Variants in PLPPR1 observed in about 807,000 individuals in gnomAD.
PLPPR1 encodes phospholipid phosphatase related 1, also known as phospholipid phosphatase-related protein type 1.
PLPPR1 carries 10 observed loss-of-function variants against 33.1 expected under a neutral mutation model. The observed-to-expected ratio is 0.30, with a 90% CI of 0.19 to 0.51. PLPPR1 has a LOEUF of 0.51. Among genes scored for constraint, PLPPR1 ranks in the 20% least tolerant of loss-of-function variants. PLPPR1 has a pLI of 0.97. For missense variants in PLPPR1, 304 were observed against 408.1 expected, an observed-to-expected ratio of 0.74 and a Z score of 2.20; for synonymous variants, 151 against 151.0, an observed-to-expected ratio of 1.00 and a Z score of 0.00.
chr9:101,242,390 T>C (rs1827492688), intron 2 of PLPPR1, among the ~76,000 whole-genome samples: 1 of 151,984 alleles, frequency 6.6e-6, no homozygotes, highest in African/African-American at 2.4e-5. Context: ...TTCTTTGCTG[T>C]CAACTTTGAT....
chr9:101,138,841 C>T (rs1418255624), intron 1 of PLPPR1, among the ~76,000 whole-genome samples: 4 of 152,134 alleles, frequency 2.6e-5, no homozygotes, highest in African/African-American at 4.8e-5. Context: ...AGGATTTGAA[C>T]CTGTGTATTT....
At chr9:101,254,707 T>TATA (rs36097016) in intron 2 of PLPPR1, among the ~76,000 whole-genome samples, 8,930 of 152,262 alleles carry the variant, frequency 0.059, 381 homozygotes, top group South Asian at 0.22. Flanking sequence ...GTATTAGACA[T>TATA]ATAAGAGCCA....
chr9:101,249,016 T>C (rs1056518489), intron 2 of PLPPR1, among the ~76,000 whole-genome samples: 4 of 152,122 alleles, frequency 2.6e-5, no homozygotes, highest in Non-Finnish European at 4.4e-5. Context: ...AAATCTTTGC[T>C]GCATTCAATG....
chr9:101,129,602 C>T (rs775344803), intron 1 of PLPPR1, among the ~76,000 whole-genome samples: 8 of 152,078 alleles, frequency 5.3e-5, no homozygotes, highest in Admixed American at 2.0e-4. Flanking sequence ...GAGGCCGAGG[C>T]GGGTGGATCA....
chr9:101,041,134 G>A (rs1226171386), intron 1 of PLPPR1, among the ~76,000 whole-genome samples: 1 of 152,154 alleles, frequency 6.6e-6, no homozygotes, highest in Non-Finnish European at 1.5e-5. Context: ...CTCAACCTGG[G>A]TTTCGAGTAC....
At chr9:101,275,760 C>T (rs1368297436) in intron 3 of PLPPR1, among the ~76,000 whole-genome samples, 2 of 152,120 alleles carry the variant, frequency 1.3e-5, no homozygotes, top group Non-Finnish European at 2.9e-5. Flanking sequence ...TTTTTCTTGG[C>T]TTCACAATGA....
At chr9:101,143,084 C>T (rs915724883) in intron 1 of PLPPR1, among the ~76,000 whole-genome samples, 6 of 151,950 alleles carry the variant, frequency 3.9e-5, no homozygotes, top group African/African-American at 9.7e-5. Flanking sequence ...TTCATTTCCT[C>T]GTCATCTCTT....
chr9:101,288,253 G>A (rs1425929725), intron 4 of PLPPR1, among the ~76,000 whole-genome samples: 1 of 152,144 alleles, frequency 6.6e-6, no homozygotes, highest in Non-Finnish European at 1.5e-5. Context: ...ACACCACATT[G>A]GAGAGAGGCA....
intron 1 of PLPPR1, among the ~76,000 whole-genome samples, chr9:101,164,582 G>A (rs1825826911): frequency 6.6e-6 from 1 of 151,922 alleles, no homozygotes; most frequent in Non-Finnish European, 1.5e-5. Context: ...TGGCTAGACT[G>A]GTCTCGAACT....
At chr9:101,308,841 T>TC (rs1192540582) in intron 4 of PLPPR1, among the ~76,000 whole-genome samples, 1 of 152,158 alleles carries the variant, frequency 6.6e-6, no homozygotes, top group Non-Finnish European at 1.5e-5. Flanking sequence ...TATTCTCTTT[T>TC]CCCCAAACTA....
rs1827131943 is a variant in PLPPR1 at position 101,229,126 on chromosome 9, G to T, written c.64-40754G>T. Among the ~76,000 whole-genome samples, 3 of 152,122 alleles carry T rather than the reference G, an allele frequency of 2.0e-5. No homozygotes were observed. The South Asian group carries it at 6.2e-4, about 32-fold the overall frequency. On this transcript the variant is annotated intron_variant, in intron 2 of 7. Transcript: ENST00000374874. ...TTTGTCTTGCTTGTTATCAGATCAA[G>T]GGTTTGATGTTGGATCAGAGCCACA... is the stretch of plus-strand genomic sequence containing the variant.
chr9:101,295,685 AAAAC>A (rs1828614824), intron 4 of PLPPR1, among the ~76,000 whole-genome samples: 1 of 151,896 alleles, frequency 6.6e-6, no homozygotes, highest in African/African-American at 2.4e-5. Context: ...AAACCTGAGA[AAAAC>A]AAGCAATGGG....
chr9:101,194,150 T>G (rs867237768), intron 2 of PLPPR1, among the ~76,000 whole-genome samples: 11 of 152,194 alleles, frequency 7.2e-5, no homozygotes, highest in Non-Finnish European at 1.2e-4. Context: ...TTAAGTAACA[T>G]TCTTTTAAAA....
chr9:101,145,540 C>G (rs1588046600), intron 1 of PLPPR1, among the ~76,000 whole-genome samples: 1 of 152,032 alleles, frequency 6.6e-6, no homozygotes, highest in Non-Finnish European at 1.5e-5. Flanking sequence ...TGCCACCACG[C>G]CCAGCTAATT....
intron 1 of PLPPR1, among the ~76,000 whole-genome samples, chr9:101,050,592 C>T (rs963049680): frequency 2.6e-5 from 4 of 152,030 alleles, no homozygotes; most frequent in Admixed American, 1.3e-4. Context: ...ATTGTAAGGA[C>T]GTGTTTGAGT....
At chr9:101,301,032 A>G (rs1828741165) in intron 4 of PLPPR1, among the ~76,000 whole-genome samples, 1 of 152,234 alleles carries the variant, frequency 6.6e-6, no homozygotes, top group Non-Finnish European at 1.5e-5. Flanking sequence ...GAGTAATTTT[A>G]TGCTTTGAGG....
chr9:101,152,048 C>T (rs1344533778), intron 1 of PLPPR1, among the ~76,000 whole-genome samples: 1 of 152,228 alleles, frequency 6.6e-6, no homozygotes. Context: ...TCCACATCCT[C>T]TCCAGCACCT....
intron 7 of PLPPR1, among the ~76,000 whole-genome samples, chr9:101,323,463 C>G (rs1829192285): frequency 7.9e-6 from 1 of 126,210 alleles, no homozygotes; most frequent in Non-Finnish European, 1.7e-5. Flanking sequence ...AGAGTAAACC[C>G]TGTCTCAAAA....
intron 1 of PLPPR1, among the ~76,000 whole-genome samples, chr9:101,086,144 G>A (rs566783096): frequency 1.3e-5 from 2 of 152,232 alleles, no homozygotes; most frequent in East Asian, 3.9e-4. Flanking sequence ...TTTGTCTACT[G>A]TCTTTAATGT....
Sources: gnomAD v4.1 joint callset for allele counts (sites outside exome capture counted in the v4.1 genomes callset) on GRCh38, gnomAD v4.1.1 for gene constraint, MANE v1.5 for transcripts, NCBI Gene and HGNC (gene_info 2026-07-23, HGNC 2026-07-21) for gene names.